The following PRDX1 variants were observed in gnomAD, a reference collection of about 807,000 sequenced individuals.
PRDX1 encodes the protein peroxiredoxin 1, also known as peroxiredoxin-1.
In PRDX1, 19 loss-of-function variants were observed where a neutral mutation model predicts 20.7. The ratio of observed to expected loss-of-function variants is 0.92; its 90% CI spans 0.64 to 1.35. The LOEUF is 1.35. Among genes scored for constraint, PRDX1 ranks in the 40% most tolerant of loss-of-function variants. The pLI is 0.00. For missense variants in PRDX1, 226 were observed against 240.0 expected (o/e 0.94, Z 0.38); for synonymous variants, 89 against 83.9 (o/e 1.06, Z -0.33).
At chr1:45,518,068 C>T (rs1643876673) in intron 2 of PRDX1, among the ~76,000 whole-genome samples, 1 of 152,130 alleles carries the variant, frequency 6.6e-6, no homozygotes, top group Non-Finnish European at 1.5e-5. Context: ...CAGTGGCTCA[C>T]ACCTGTTATC....
At chr1:45,511,532 A>C in intron 5 of PRDX1, 118 bp from the exon 6 acceptor site, 2 of 728,190 alleles carry the variant, frequency 2.7e-6, no homozygotes, top group Non-Finnish European at 4.6e-6. Flanking sequence ...CTACCCCTGC[A>C]ATCAGTCTTA....
intron 5 of PRDX1, among the ~76,000 whole-genome samples, chr1:45,514,267 C>T (rs368513635): frequency 5.3e-5 from 8 of 152,268 alleles, no homozygotes; most frequent in African/African-American, 1.7e-4. Context: ...GCCACATCCC[C>T]CTCTCCGAGA....
intron 2 of PRDX1, among the ~76,000 whole-genome samples, chr1:45,516,230 A>G (rs1489054203): frequency 6.6e-6 from 1 of 152,270 alleles, no homozygotes; most frequent in East Asian, 1.9e-4. Flanking sequence ...AGACACCAAT[A>G]AGAAGTCACA....
chr1:45,515,872 T>C lies in PRDX1; in HGVS notation c.107-65A>G. On this transcript the variant is annotated intron_variant, in intron 2 of 5. Transcript: ENST00000319248. ...GACTTCCTTGCTTTATATTTTCCTA[T>C]ACAAAAAGAAGCAAGTTGATGGCTG... 5.6e-6 allele frequency: 8 copies of C among 1,437,276 alleles called. No individual in the cohort carries two copies. The South Asian group carries it at 8.7e-5, about 16-fold the overall frequency. The allele number at this position is 1,437,276 out of a possible 1,614,324, so 89.0% of individuals were successfully genotyped here. A position where few individuals can be genotyped will look rare whatever the true frequency, so the allele number is the denominator to read the frequency against.
chr1:45,515,597 T>TC, intron 3 of PRDX1, 57 bp downstream of exon 3: 2 of 1,079,022 alleles, frequency 1.9e-6, no homozygotes, highest in Non-Finnish European at 2.4e-6. Context: ...AGACTCCATC[T>TC]CAAAAAAAAA....
intron 5 of PRDX1, among the ~76,000 whole-genome samples, chr1:45,514,215 G>GT (rs1418075558): frequency 6.6e-6 from 1 of 152,116 alleles, no homozygotes; most frequent in South Asian, 2.1e-4. Context: ...TTGTTCACGT[G>GT]TTTATCTGCT....
chr1:45,521,987 C>G (rs78627433), upstream of PRDX1: 86 of 152,418 alleles, frequency 5.6e-4, no homozygotes, highest in East Asian at 0.013. Context: ...GGGATGTGGC[C>G]CGAGCCCCGC....
At chr1:45,519,638 C>G (rs530357958) in intron 1 of PRDX1, among the ~76,000 whole-genome samples, 2 of 152,172 alleles carry the variant, frequency 1.3e-5, no homozygotes, top group African/African-American at 4.8e-5. Flanking sequence ...TCTTGGGGCC[C>G]AGGCTGGAAT....
intron 5 of PRDX1, 69 bp from the exon 6 acceptor site, chr1:45,511,483 A>T (rs2149325452): frequency 1.5e-6 from 2 of 1,318,428 alleles, no homozygotes; most frequent in Middle Eastern, 1.9e-4. Context: ...CCTATGGACA[A>T]AACCAGTTCT....
Position 45,514,228 on chromosome 1 carries a change from CCTT to C in PRDX1, c.514+276_514+278del, listed in dbSNP as rs35550669. Among the ~76,000 whole-genome samples, 105 of 152,244 alleles carry C rather than the reference CCTT, an allele frequency of 6.9e-4. 2 individuals carry two copies. In the East Asian group the frequency reaches 0.017, roughly 25 times the overall value. On this transcript the variant is annotated intron_variant, in intron 5 of 5. Transcript: ENST00000319248. ...CTTTGTTCACGTGTTTATCTGCTGACCTTCTCTCCACTATTATCCTATGACCCT... is the reference window on the plus strand; with the variant it reads ...CTTTGTTCACGTGTTTATCTGCTGACCTCTCCACTATTATCCTATGACCCT...
At chr1:45,514,708 A>C in intron 4 of PRDX1, 71 bp from the exon 5 acceptor site, 1 of 1,597,016 alleles carries the variant, frequency 6.3e-7, no homozygotes, top group Non-Finnish European at 8.6e-7. Flanking sequence ...AGAGGCTTGA[A>C]GCCTGAAGGA....
Position 45,511,131 on chromosome 1 carries a change from A to C in PRDX1, c.*198T>G, listed in dbSNP as rs1262420296. On this transcript the variant is annotated 3_prime_UTR_variant, in exon 6 of 6. Coordinates refer to ENST00000319248, the MANE Select transcript of PRDX1 (RefSeq NM_181697.3). ...CATCATACAAACCAGTAGCCTGCCCACAACGCCAACTCAGGCCATTCCTAC... is the reference window on the plus strand; with the variant it reads ...CATCATACAAACCAGTAGCCTGCCCCCAACGCCAACTCAGGCCATTCCTAC... The C allele has an allele frequency of 1.9e-6, 1 of 521,856 alleles. No homozygotes were observed. 32.3% of individuals were successfully genotyped at this position (521,856 alleles called of 1,614,324 possible). A position where few individuals can be genotyped will look rare whatever the true frequency, so the allele number is the denominator to read the frequency against.
At chr1:45,513,299 A>T (rs1643790930) in intron 5 of PRDX1, 1 of 152,216 alleles carries the variant, frequency 6.6e-6, no homozygotes, top group Non-Finnish European at 1.5e-5. Flanking sequence ...TCAGTAAGTT[A>T]GATCTTTGGG....
At chr1:45,516,682 T>G (rs1008599392) in intron 2 of PRDX1, among the ~76,000 whole-genome samples, 1 of 152,064 alleles carries the variant, frequency 6.6e-6, no homozygotes, top group Non-Finnish European at 1.5e-5. Context: ...AAATATTCAC[T>G]CATTTCCAGG....
rs201519580 is a variant in PRDX1 at position 45,511,301 on chromosome 1, G to T, written c.*28C>A. The T allele has an allele frequency of 1.9e-6, 3 of 1,549,054 alleles. No individual in the cohort carries two copies. The highest frequency in any genetic ancestry group is 2.6e-6 in the Non-Finnish European group (3 of 1,138,828). On this transcript the variant is annotated 3_prime_UTR_variant, in exon 6 of 6. Transcript: ENST00000319248. ...GGTTTTGTTCTCATGGCTGCCCACC[G>T]CAGCCTGGCACTAAAACAGCCCAGC...
At chr1:45,519,168 T>C in intron 1 of PRDX1, 114 bp from the exon 2 acceptor site, 1 of 667,446 alleles carries the variant, frequency 1.5e-6, no homozygotes, top group Non-Finnish European at 2.5e-6. Flanking sequence ...CCAGTGTCCC[T>C]GAATACATTA....
At chr1:45,515,506 G>GGAGAATGGCTGA in intron 3 of PRDX1, 148 bp downstream of exon 3, 1 of 816,304 alleles carries the variant, frequency 1.2e-6, no homozygotes, top group Non-Finnish European at 1.8e-6. Context: ...GGCTGAGGCA[G>GGAGAATGGCTGA]GAGAATGGCG....
rs530357958 is a variant in PRDX1, at chr1:45,519,638, C to A, written c.-11-584G>T. The stretch of plus-strand genomic sequence containing the variant: ...TTGACGGAGTTTCGCTCTTGGGGCC[C>A]AGGCTGGAATGCAATGGCATTATCT... On this transcript the variant is annotated intron_variant, in intron 1 of 5. Transcript: ENST00000319248. Among the ~76,000 whole-genome samples the A allele has an allele frequency of 2.6e-5, 4 of 152,290 alleles. No homozygotes were observed. In the East Asian group the frequency reaches 7.7e-4, roughly 29 times the overall value.
Position 45,514,875 on chromosome 1 carries a change from G to A in PRDX1, c.381C>T (p.Phe127=). The A allele has an allele frequency of 6.2e-7, 1 of 1,614,104 alleles. No homozygotes were observed. The highest frequency in any genetic ancestry group is 8.5e-7 in the Non-Finnish European group (1 of 1,179,988). ...GGATACTTGTCCTGATGACATACCT[G>A]AACGAGATGCCTTCATCAGCCTTTA... is the stretch of plus-strand genomic sequence containing the variant. ...GVLKADEGIS[F]RGLFIIDDKG... Residue 127 remains phenylalanine (F), a splice_region_variant and synonymous_variant, in exon 4 of 6, where the codon TTC becomes TTT. Transcript: ENST00000319248.
Sources: gnomAD v4.1 joint callset for allele counts (sites outside exome capture counted in the v4.1 genomes callset) on GRCh38, gnomAD v4.1.1 for gene constraint, MANE v1.5 for transcripts, NCBI Gene and HGNC (gene_info 2026-07-23, HGNC 2026-07-21) for gene names.